Variants in DPYD observed in about 807,000 individuals in gnomAD.
DPYD encodes dihydropyrimidine dehydrogenase.
In DPYD, 109 loss-of-function variants were observed where a neutral mutation model predicts 116.2. The ratio of observed to expected loss-of-function variants is 0.94; its 90% confidence interval spans 0.80 to 1.10. DPYD has a LOEUF of 1.10. Ranked by LOEUF, DPYD falls within the 50% of genes least tolerant of loss-of-function variation. The probability of loss-of-function intolerance (pLI) is 0.00; values close to 1 mark genes in which losing one functional copy is unlikely to be tolerated. For synonymous variants in DPYD, 440 were observed against 432.0 expected, an observed-to-expected ratio of 1.02 and a Z score of -0.23; for missense variants, 1,302 against 1,254.5, an observed-to-expected ratio of 1.04 and a Z score of -0.57.
chr1:97,818,405 T>C (rs2101431988), intron 3 of DPYD, among the ~76,000 whole-genome samples: 1 of 152,108 alleles, frequency 6.6e-6, no homozygotes, highest in Non-Finnish European at 1.5e-5. Flanking sequence ...TTCACCAGAT[T>C]TGTACTTGAT....
chr1:97,184,641 T>C (rs1173273474), intron 20 of DPYD, among the ~76,000 whole-genome samples: 1 of 152,190 alleles, frequency 6.6e-6, no homozygotes, highest in African/African-American at 2.4e-5. Flanking sequence ...AGTTTTTACA[T>C]GCCATTGTAA....
intron 2 of DPYD, among the ~76,000 whole-genome samples, chr1:97,844,444 C>A (rs748125907): frequency 3.3e-5 from 5 of 152,074 alleles, no homozygotes; most frequent in Admixed American, 1.3e-4. Context: ...GGGAGAGGGG[C>A]TGAAGTTTGA....
At chr1:97,593,038 T>C (rs1654628010) in intron 10 of DPYD, among the ~76,000 whole-genome samples, 180 bp downstream of exon 10, 1 of 152,184 alleles carries the variant, frequency 6.6e-6, no homozygotes, top group Non-Finnish European at 1.5e-5. Flanking sequence ...CCCAAATCAG[T>C]ATTACAAATT....
intron 16 of DPYD, among the ~76,000 whole-genome samples, chr1:97,323,534 AC>A (rs1668501349): frequency 7.5e-6 from 1 of 133,708 alleles, no homozygotes; most frequent in African/African-American, 2.7e-5. Flanking sequence ...ACATATATAT[AC>A]ATATCATATA....
chr1:97,755,047 A>G (rs1032897774), intron 3 of DPYD, among the ~76,000 whole-genome samples: 3 of 152,204 alleles, frequency 2.0e-5, no homozygotes, highest in Non-Finnish European at 4.4e-5. Flanking sequence ...ACTTGTTACT[A>G]TCCTACTGAA....
intron 3 of DPYD, among the ~76,000 whole-genome samples, chr1:97,791,996 A>C (rs1223407166): frequency 6.6e-6 from 1 of 152,242 alleles, no homozygotes; most frequent in Non-Finnish European, 1.5e-5. Context: ...TTACAAAAAA[A>C]AACTATATTT....
intron 16 of DPYD, among the ~76,000 whole-genome samples, chr1:97,364,535 A>G (rs944029253): frequency 2.6e-5 from 4 of 152,188 alleles, no homozygotes; most frequent in Non-Finnish European, 5.9e-5. Context: ...CTTAAACAAA[A>G]CTTTTTTTTG....
At chr1:97,578,550 T>C (rs775498900) in intron 10 of DPYD, among the ~76,000 whole-genome samples, 12 of 152,098 alleles carry the variant, frequency 7.9e-5, no homozygotes, top group Non-Finnish European at 1.2e-4. Flanking sequence ...CACTAAGGGA[T>C]GAAAAAACTT....
intron 6 of DPYD, among the ~76,000 whole-genome samples, chr1:97,694,131 C>A (rs968302313): frequency 6.6e-6 from 1 of 152,268 alleles, no homozygotes; most frequent in African/African-American, 2.4e-5. Context: ...GCTCTGGAAC[C>A]ATTGTCACCA....
intron 5 of DPYD, chr1:97,700,082 G>C (rs1471963116): frequency 2.8e-6 from 1 of 358,258 alleles, no homozygotes; most frequent in Admixed American, 3.8e-5. Flanking sequence ...AAACATTCAA[G>C]AACTACTGAC....
chr1:97,159,121 T>C lies in DPYD; in HGVS notation c.2622+33948A>G, dbSNP rs528328477. Among the ~76,000 whole-genome samples, 24 of 152,192 alleles carry C rather than the reference T, an allele frequency of 1.6e-4. No individual in the cohort carries two copies. In the South Asian group the frequency reaches 5.0e-3, roughly 32 times the overall value. ...GATCAGTCCTGAGATGATCCAGATA[T>C]TAGAATTAGAGGTCAAGGATTTTAA... On this transcript the variant is annotated intron_variant, in intron 20 of 22. Transcript: ENST00000370192.
At chr1:97,501,364 T>G (rs1679569716) in intron 13 of DPYD, among the ~76,000 whole-genome samples, 1 of 152,004 alleles carries the variant, frequency 6.6e-6, no homozygotes, top group African/African-American at 2.4e-5. Context: ...TATAGTAACT[T>G]GAGTAAATTT....
chr1:97,178,291 G>A (rs1294220545), intron 20 of DPYD, among the ~76,000 whole-genome samples: 1 of 152,128 alleles, frequency 6.6e-6, no homozygotes, highest in African/African-American at 2.4e-5. Context: ...CACAAAAAAT[G>A]AGTGTATTAG....
At chr1:97,358,360 A>C (rs535785454) in intron 16 of DPYD, among the ~76,000 whole-genome samples, 2 of 152,272 alleles carry the variant, frequency 1.3e-5, no homozygotes, top group Non-Finnish European at 2.9e-5. Context: ...TGTGGTCTCC[A>C]CCTCTGGGGG....
intron 16 of DPYD, among the ~76,000 whole-genome samples, chr1:97,323,918 C>A (rs1376620477): frequency 6.6e-6 from 1 of 151,798 alleles, no homozygotes; most frequent in African/African-American, 2.4e-5. Flanking sequence ...GAGGGTCTTA[C>A]TCTTTCTACT....
At chr1:97,799,470 A>G (rs1448972897) in intron 3 of DPYD, among the ~76,000 whole-genome samples, 2 of 151,962 alleles carry the variant, frequency 1.3e-5, no homozygotes, top group African/African-American at 4.8e-5. Flanking sequence ...CTGAAAAAAA[A>G]ATCACCTTCT....
At chr1:97,128,080 T>C (rs755592171) in intron 20 of DPYD, among the ~76,000 whole-genome samples, 2 of 152,206 alleles carry the variant, frequency 1.3e-5, no homozygotes, top group African/African-American at 2.4e-5. Context: ...CTATTCTGTA[T>C]CCTTGAACAC....
chr1:97,441,889 C>G (rs543493492), intron 14 of DPYD, among the ~76,000 whole-genome samples: 123 of 152,218 alleles, frequency 8.1e-4, no homozygotes, highest in African/African-American at 2.9e-3. Context: ...TGGGCATGAC[C>G]AAAGCAGTGC....
intron 19 of DPYD, among the ~76,000 whole-genome samples, chr1:97,207,881 T>C (rs1659753505): frequency 6.6e-6 from 1 of 152,178 alleles, no homozygotes; most frequent in African/African-American, 2.4e-5. Flanking sequence ...TCCCTCTCTA[T>C]CTTTAATTAT....
Sources: allele counts gnomAD v4.1 joint callset (sites outside exome capture counted in the v4.1 genomes callset), GRCh38; gene constraint gnomAD v4.1.1; transcripts MANE v1.5; gene names NCBI Gene and HGNC (gene_info 2026-07-23, HGNC 2026-07-21).